Variants in MAGI2 observed in about 807,000 individuals in gnomAD.
The protein encoded by MAGI2 is membrane associated guanylate kinase, WW and PDZ domain containing 2.
In MAGI2, 35 loss-of-function variants were observed where a neutral mutation model predicts 133.3. The ratio of observed to expected loss-of-function variants is 0.26; its 90% CI spans 0.20 to 0.35. The LOEUF is 0.35. Ranked by LOEUF, MAGI2 falls within the 10% of genes least tolerant of loss-of-function variation. The pLI, the probability that MAGI2 is intolerant of heterozygous loss-of-function variation, is 1.00. For synonymous variants in MAGI2, 729 were observed against 710.6 expected (o/e 1.03, Z -0.41); for missense variants, 1,636 against 1,863.4 (o/e 0.88, Z 2.25).
chr7:78,416,530 T>A (rs1798318607), intron 6 of MAGI2, among the ~76,000 whole-genome samples: 1 of 152,176 alleles, frequency 6.6e-6, no homozygotes, highest in Admixed American at 6.5e-5. Context: ...TAAGTTATAG[T>A]AATTATAGTT....
chr7:78,866,506 C>T (rs532520319), intron 2 of MAGI2, among the ~76,000 whole-genome samples: 1 of 152,030 alleles, frequency 6.6e-6, no homozygotes, highest in East Asian at 2.0e-4. Flanking sequence ...CTATCTCTAC[C>T]TTTCTGCTTG....
chr7:79,442,812 T>C (rs1341585413), intron 1 of MAGI2, among the ~76,000 whole-genome samples: 1 of 152,118 alleles, frequency 6.6e-6, no homozygotes, highest in East Asian at 1.9e-4. Context: ...GTTATCTATG[T>C]TCAGGGTGTT....
intron 3 of MAGI2, among the ~76,000 whole-genome samples, chr7:78,522,440 G>A (rs780558651): frequency 2.0e-5 from 3 of 152,150 alleles, no homozygotes; most frequent in Non-Finnish European, 2.9e-5. Context: ...GGGCAATGGT[G>A]CAATCTTGGC....
chr7:78,818,586 A>G (rs192598985), intron 2 of MAGI2, among the ~76,000 whole-genome samples: 2 of 152,284 alleles, frequency 1.3e-5, no homozygotes, highest in Admixed American at 1.3e-4. Flanking sequence ...TATTACACAA[A>G]TTATTCTTGA....
chr7:78,721,352 C>T (rs191165697), intron 2 of MAGI2, among the ~76,000 whole-genome samples: 1 of 151,944 alleles, frequency 6.6e-6, no homozygotes, highest in African/African-American at 2.4e-5. Flanking sequence ...CACAGAGTGA[C>T]TAAGGTAGCA....
intron 1 of MAGI2, among the ~76,000 whole-genome samples, chr7:79,425,246 C>T (rs62458998): frequency 0.09 from 12,974 of 144,102 alleles, 632 homozygotes; most frequent in Middle Eastern, 0.14. Context: ...AGCGAGACTC[C>T]GTCTCAGAAA....
intron 6 of MAGI2, among the ~76,000 whole-genome samples, chr7:78,392,458 A>G (rs1313806326): frequency 6.6e-6 from 1 of 152,118 alleles, no homozygotes; most frequent in Non-Finnish European, 1.5e-5. Flanking sequence ...GGAATAGAAG[A>G]CTTGTGTTAG....
intron 2 of MAGI2, among the ~76,000 whole-genome samples, chr7:78,656,667 AAAGT>A (rs1432689270): frequency 1.3e-5 from 2 of 152,212 alleles, no homozygotes; most frequent in Non-Finnish European, 2.9e-5. Flanking sequence ...CACCAGAGAA[AAAGT>A]AAGCAAGGAG....
chr7:78,394,858 G>A (rs1315357153), intron 6 of MAGI2, among the ~76,000 whole-genome samples: 1 of 152,178 alleles, frequency 6.6e-6, no homozygotes, highest in African/African-American at 2.4e-5. Context: ...AATGGAAAGA[G>A]CACACATGAC....
At chr7:78,185,178 T>C (rs954450490) in intron 13 of MAGI2, among the ~76,000 whole-genome samples, 1 of 152,244 alleles carries the variant, frequency 6.6e-6, no homozygotes, top group Non-Finnish European at 1.5e-5. Context: ...TAAATCAATA[T>C]AAAATAATTA....
At chr7:79,005,607 C>A (rs1280751946) in intron 2 of MAGI2, among the ~76,000 whole-genome samples, 1 of 152,174 alleles carries the variant, frequency 6.6e-6, no homozygotes, top group Non-Finnish European at 1.5e-5. Flanking sequence ...AGCTTCTTAT[C>A]TATTTTTCTC....
intron 6 of MAGI2, among the ~76,000 whole-genome samples, chr7:78,398,726 T>C (rs966548414): frequency 1.3e-5 from 2 of 152,116 alleles, no homozygotes; most frequent in Non-Finnish European, 2.9e-5. Flanking sequence ...CTTTCCTAAG[T>C]ACCAATTAGC....
intron 3 of MAGI2, among the ~76,000 whole-genome samples, chr7:78,576,595 G>C (rs778367103): frequency 6.8e-6 from 1 of 147,450 alleles, no homozygotes; most frequent in African/African-American, 2.4e-5. Context: ...GAAGACCACA[G>C]AGGAAGGAAT....
At chr7:78,032,107 A>T (rs1234143743) in intron 21 of MAGI2, among the ~76,000 whole-genome samples, 1 of 143,766 alleles carries the variant, frequency 7.0e-6, no homozygotes, top group African/African-American at 2.6e-5. Context: ...CAATTGTGTT[A>T]TTGTATTTCA....
At chr7:78,717,656 A>G (rs1819853150) in intron 2 of MAGI2, among the ~76,000 whole-genome samples, 1 of 152,146 alleles carries the variant, frequency 6.6e-6, no homozygotes, top group African/African-American at 2.4e-5. Flanking sequence ...ACTGCAAACT[A>G]TATGTCAAGC....
intron 1 of MAGI2, among the ~76,000 whole-genome samples, chr7:79,246,453 T>C (rs1257656996): frequency 1.3e-5 from 2 of 152,120 alleles, no homozygotes; most frequent in Non-Finnish European, 2.9e-5. Context: ...AAGAAATAGA[T>C]TGAAATAATT....
intron 2 of MAGI2, among the ~76,000 whole-genome samples, chr7:78,740,896 A>T (rs1390087992): frequency 6.6e-6 from 1 of 152,218 alleles, no homozygotes; most frequent in Non-Finnish European, 1.5e-5. Flanking sequence ...ACCTGAGAAG[A>T]ATATTATTCT....
At chr7:79,354,224 G>C (rs965638834) in intron 1 of MAGI2, 1 of 152,196 alleles carries the variant, frequency 6.6e-6, no homozygotes, top group Non-Finnish European at 1.5e-5. Flanking sequence ...GTAGCTATAG[G>C]TGTCAGCTCC....
intron 19 of MAGI2, among the ~76,000 whole-genome samples, chr7:78,126,196 GT>G (rs1820964015): frequency 1.7e-5 from 2 of 116,646 alleles, no homozygotes; most frequent in Non-Finnish European, 4.4e-5. Flanking sequence ...AATGTCAGGT[GT>G]GTGTGTGTGT....
Sources: allele counts gnomAD v4.1 joint callset (sites outside exome capture counted in the v4.1 genomes callset), GRCh38; gene constraint gnomAD v4.1.1; transcripts MANE v1.5; gene names NCBI Gene and HGNC (gene_info 2026-07-23, HGNC 2026-07-21).